The following LYG2 variants were observed in gnomAD, a reference collection of about 807,000 sequenced individuals.
LYG2 encodes the protein lysozyme g2.
A neutral mutation model predicts 22.4 loss-of-function variants in LYG2; 25 were observed. That is an observed-to-expected ratio of 1.12 (90% CI 0.81 to 1.56). The LOEUF (loss-of-function observed/expected upper bound fraction) is 1.56, where lower values mean the gene tolerates loss of function less well. Ranked by LOEUF, LYG2 falls within the 40% of genes most tolerant of loss-of-function variation. The probability of loss-of-function intolerance (pLI) is 0.00; values close to 1 mark genes in which losing one functional copy is unlikely to be tolerated. For missense variants in LYG2, 266 were observed against 269.5 expected, an observed-to-expected ratio of 0.99 and a Z score of 0.09; for synonymous variants, 88 against 97.0, an observed-to-expected ratio of 0.91 and a Z score of 0.55.
intron 4 of LYG2, among the ~76,000 whole-genome samples, chr2:99,246,204 G>A (rs1009505796): frequency 6.6e-6 from 1 of 152,190 alleles, no homozygotes; most frequent in Non-Finnish European, 1.5e-5. Flanking sequence ...CCACTAGTTG[G>A]TTCTGTTCTA....
chr2:99,253,467 ACTTTC>A (rs1381486936), intron 3 of LYG2, among the ~76,000 whole-genome samples: 2 of 152,222 alleles, frequency 1.3e-5, no homozygotes, highest in African/African-American at 4.8e-5. Context: ...TTTTAGAAAC[ACTTTC>A]CTTTCAGTCA....
chr2:99,257,814 G>A (rs1400635010), upstream of LYG2, among the ~76,000 whole-genome samples: 1 of 152,072 alleles, frequency 6.6e-6, no homozygotes, highest in East Asian at 1.9e-4. Context: ...ACGACTAAAT[G>A]GCCTCAGCAA....
upstream of LYG2, among the ~76,000 whole-genome samples, chr2:99,257,811 A>C (rs2094039102): frequency 6.6e-6 from 1 of 152,118 alleles, no homozygotes; most frequent in Non-Finnish European, 1.5e-5. Flanking sequence ...CTAACGACTA[A>C]ATGGCCTCAG....
upstream of LYG2, among the ~76,000 whole-genome samples, chr2:99,258,002 G>GTTAGCACT: frequency 6.6e-6 from 1 of 152,274 alleles, no homozygotes; most frequent in South Asian, 2.1e-4. Context: ...GCTACCCTAG[G>GTTAGCACT]TTAGCACTTT....
chr2:99,260,913 A>C, the LYG2 span, among the ~76,000 whole-genome samples: 1 of 152,206 alleles, frequency 6.6e-6, no homozygotes, highest in African/African-American at 2.4e-5. Flanking sequence ...CAGGAGGTCA[A>C]ATCATGTGCT....
At chr2:99,245,488 C>T (rs370026516) in intron 4 of LYG2, 30 bp from the exon 5 acceptor site, 20 of 1,474,598 alleles carry the variant, frequency 1.4e-5, no homozygotes, top group African/African-American at 7.0e-5. Flanking sequence ...ACTGTTTTTC[C>T]GGGCATGGTA....
chr2:99,256,799 A>T (rs1156519401), upstream of LYG2, among the ~76,000 whole-genome samples: 1 of 152,194 alleles, frequency 6.6e-6, no homozygotes, highest in Non-Finnish European at 1.5e-5. Context: ...TTTCAAACTG[A>T]TGTGGATTGT....
intron 6 of LYG2, 115 bp from the exon 7 acceptor site, chr2:99,242,597 A>T (rs1419014727): frequency 1.6e-6 from 1 of 618,968 alleles, no homozygotes; most frequent in Non-Finnish European, 2.8e-6. Flanking sequence ...GCAGTCCCAA[A>T]TCCTCCTCCC....
chr2:99,243,894 C>T, intron 6 of LYG2, 105 bp downstream of exon 6: 1 of 1,361,766 alleles, frequency 7.3e-7, no homozygotes, highest in Non-Finnish European at 1.0e-6. Flanking sequence ...CTCCCAGGGC[C>T]ACTGCTGACC....
chr2:99,244,422 A>G (rs2094012177), intron 5 of LYG2, among the ~76,000 whole-genome samples: 1 of 152,258 alleles, frequency 6.6e-6, no homozygotes, highest in Admixed American at 6.5e-5. Context: ...ATAGTAATAA[A>G]TAATTATCCA....
Position 99,254,201 on chromosome 2 carries a change from C to T in LYG2, c.43+17G>A. On this transcript the variant is annotated intron_variant, in intron 3 of 6. Coordinates refer to ENST00000333017, the MANE Select transcript of LYG2 (RefSeq NM_175735.4). ...GGACACCCTGTGAACAATGCTAAAT[C>T]TCAGCCAGTGACTTACCAATGAGGG... 1 of 1,612,532 alleles carries T rather than the reference C, an allele frequency of 6.2e-7. No individual in the cohort carries two copies. Among genetic ancestry groups the T allele is most frequent in the Non-Finnish European group, 8.5e-7 (1 of 1,178,634 alleles).
chr2:99,256,238 T>C (rs1299235596), upstream of LYG2, among the ~76,000 whole-genome samples: 2 of 152,196 alleles, frequency 1.3e-5, no homozygotes, highest in African/African-American at 4.8e-5. Context: ...CTGCCCTGCC[T>C]GCCTTCCTGC....
chr2:99,259,214 A>G (rs201052157), upstream of LYG2, among the ~76,000 whole-genome samples: 1 of 5,388 alleles, frequency 1.9e-4, no homozygotes, highest in East Asian at 0.038. Context: ...AAGAGCAATG[A>G]AAAAAAAAAA....
At chr2:99,256,477 C>T (rs1040989161), upstream of LYG2, among the ~76,000 whole-genome samples, 5 of 152,108 alleles carry the variant, frequency 3.3e-5, no homozygotes, top group African/African-American at 1.2e-4. Flanking sequence ...TATGACCCAG[C>T]GACATTGTGC....
intron 3 of LYG2, among the ~76,000 whole-genome samples, chr2:99,247,988 C>T (rs1416827034): frequency 6.6e-6 from 1 of 152,180 alleles, no homozygotes; most frequent in Non-Finnish European, 1.5e-5. Context: ...AAAATGCTCA[C>T]CATCACTGGC....
At chr2:99,256,987 G>A (rs1487787619), upstream of LYG2, among the ~76,000 whole-genome samples, 1 of 152,190 alleles carries the variant, frequency 6.6e-6, no homozygotes, top group Non-Finnish European at 1.5e-5. Context: ...TGTCAAAGAT[G>A]GCACAGTTAG....
chr2:99,242,616 C>A, intron 6 of LYG2, 134 bp from the exon 7 acceptor site: 1 of 540,424 alleles, frequency 1.9e-6, no homozygotes, highest in Non-Finnish European at 3.3e-6. Flanking sequence ...CCTCTCCCTC[C>A]CTTTCTGAAA....
intron 2 of LYG2, 26 bp from the exon 3 acceptor site, chr2:99,254,311 G>T: frequency 6.4e-7 from 1 of 1,566,772 alleles, no homozygotes; most frequent in Non-Finnish European, 8.7e-7. Flanking sequence ...ATAGAAACTG[G>T]TTAATTTTAA....
intron 3 of LYG2, among the ~76,000 whole-genome samples, chr2:99,251,955 C>T (rs2094027544): frequency 9.4e-6 from 1 of 106,192 alleles, no homozygotes; most frequent in South Asian, 3.9e-4. Context: ...GCCACCACAC[C>T]TGGCTAATTT....
Sources: gnomAD v4.1 joint callset for allele counts (sites outside exome capture counted in the v4.1 genomes callset) on GRCh38, gnomAD v4.1.1 for gene constraint, MANE v1.5 for transcripts, NCBI Gene and HGNC (gene_info 2026-07-23, HGNC 2026-07-21) for gene names.